ERG: variants seen among roughly 807,000 people sequenced by gnomAD.
ERG encodes the protein transcriptional regulator ERG.
In ERG, 9 loss-of-function variants were observed where a neutral mutation model predicts 55.3. That is an observed-to-expected ratio of 0.16 (90% CI 0.10 to 0.28). ERG has a LOEUF of 0.28. Ranked by LOEUF, ERG falls within the 10% of genes least tolerant of loss-of-function variation. ERG has a pLI of 1.00. For synonymous variants in ERG, 223 were observed against 237.3 expected (o/e 0.94, Z 0.55); for missense variants, 434 against 631.6 (o/e 0.69, Z 3.35).
rs1321377922 is a variant in ERG, at chr21:38,380,549, C to T, written c.*2854G>A. ...AGTCTGAGTATACATCAGGGCAAGC[C>T]AAGAGACAGGGACAAACAGAGAGAA... On this transcript the variant is annotated 3_prime_UTR_variant, in exon 10 of 10. Transcript: ENST00000288319. 3 of 1,065,838 alleles carry T rather than the reference C, an allele frequency of 2.8e-6. No homozygotes were observed. The Admixed American group carries it at 1.6e-4, about 57-fold the overall frequency. 66.0% of individuals were successfully genotyped at this position (1,065,838 alleles called of 1,614,324 possible). A position where few individuals can be genotyped will look rare whatever the true frequency, so the allele number is the denominator to read the frequency against.
chr21:38,399,724 G>A (rs1988397503), intron 6 of ERG, among the ~76,000 whole-genome samples: 1 of 152,184 alleles, frequency 6.6e-6, no homozygotes, highest in South Asian at 2.1e-4. Flanking sequence ...GCCTTTCATG[G>A]GGGATTGAGT....
intron 1 of ERG, among the ~76,000 whole-genome samples, chr21:38,613,590 C>G (rs1180179065): frequency 6.6e-6 from 1 of 152,214 alleles, no homozygotes; most frequent in Non-Finnish European, 1.5e-5. Flanking sequence ...GACTGGTGCT[C>G]GCCGCTCACT....
chr21:38,627,075 TA>T (rs1248409354), intron 1 of ERG, among the ~76,000 whole-genome samples: 2 of 151,826 alleles, frequency 1.3e-5, no homozygotes, highest in Admixed American at 6.6e-5. Context: ...AGCATTTACA[TA>T]AAAAAATTTT....
intron 2 of ERG, among the ~76,000 whole-genome samples, chr21:38,506,875 G>A (rs141933955): frequency 1.2e-4 from 18 of 152,304 alleles, no homozygotes; most frequent in African/African-American, 3.6e-4. Context: ...CGCTCTGCCA[G>A]TAGAACAGGG....
At chr21:38,552,846 G>GAAAAAAAAAAA (rs56278724) in intron 2 of ERG, among the ~76,000 whole-genome samples, 1 of 127,860 alleles carries the variant, frequency 7.8e-6, no homozygotes. Flanking sequence ...TCAAGCAAGA[G>GAAAAAAAAAAA]AAAAAAAAAA....
intron 1 of ERG, among the ~76,000 whole-genome samples, chr21:38,623,378 A>G (rs1342524509): frequency 6.6e-6 from 1 of 152,110 alleles, no homozygotes; most frequent in Non-Finnish European, 1.5e-5. Context: ...TAAAATTTGC[A>G]TGAAATAAAC....
chr21:38,610,663 C>G (rs1405240128), intron 1 of ERG, among the ~76,000 whole-genome samples: 1 of 152,214 alleles, frequency 6.6e-6, no homozygotes, highest in Non-Finnish European at 1.5e-5. Context: ...AATGTTTGAT[C>G]TGAGCAATCA....
chr21:38,380,031 G>T (rs373105334), downstream of ERG: 19 of 1,011,970 alleles, frequency 1.9e-5, no homozygotes, highest in African/African-American at 3.1e-4. Context: ...ACAGAATTTG[G>T]TGTATTTTTG....
chr21:38,551,801 A>AT (rs2059826086), intron 2 of ERG, among the ~76,000 whole-genome samples: 1 of 152,150 alleles, frequency 6.6e-6, no homozygotes, highest in Non-Finnish European at 1.5e-5. Flanking sequence ...GTAGGTGAAA[A>AT]GAATGCATAT....
chr21:38,427,347 T>C (rs374054118), intron 2 of ERG, among the ~76,000 whole-genome samples: 2 of 152,232 alleles, frequency 1.3e-5, no homozygotes, highest in African/African-American at 4.8e-5. Flanking sequence ...GGTGCTGGGA[T>C]TACAGGCGTG....
chr21:38,463,675 C>T (rs2059063509), intron 1 of ERG, among the ~76,000 whole-genome samples: 1 of 152,150 alleles, frequency 6.6e-6, no homozygotes, highest in Admixed American at 6.5e-5. Flanking sequence ...GGGAGCATTT[C>T]CAGATGGAGA....
intron 2 of ERG, among the ~76,000 whole-genome samples, chr21:38,507,426 G>A (rs2836452): frequency 0.25 from 38,486 of 152,154 alleles, 5,621 homozygotes; most frequent in African/African-American, 0.41. Flanking sequence ...CATTGGAGAT[G>A]GAAGGCAGCC....
chr21:38,462,387 T>C (rs187667583), intron 1 of ERG, among the ~76,000 whole-genome samples: 69 of 152,156 alleles, frequency 4.5e-4, no homozygotes, highest in African/African-American at 1.6e-3. Context: ...TTTTTAAGAA[T>C]CCTCAACCAA....
chr21:38,566,910 G>A (rs2059926448), intron 2 of ERG, among the ~76,000 whole-genome samples: 1 of 152,138 alleles, frequency 6.6e-6, no homozygotes, highest in African/African-American at 2.4e-5. Flanking sequence ...ACTCCTCAGG[G>A]AAACTGCCCC....
At chr21:38,402,789 G>C in intron 4 of ERG, 152 bp from the exon 5 acceptor site, 1 of 610,174 alleles carries the variant, frequency 1.6e-6, no homozygotes, top group Non-Finnish European at 2.8e-6. Flanking sequence ...ATCATGGGAA[G>C]CTTATAACTA....
chr21:38,452,817 T>C (rs1362603643), intron 1 of ERG, among the ~76,000 whole-genome samples: 1 of 152,250 alleles, frequency 6.6e-6, no homozygotes, highest in Non-Finnish European at 1.5e-5. Flanking sequence ...GCCTGGCTGG[T>C]GCCAGCAATT....
At chr21:38,529,313 C>T (rs1364853701) in intron 2 of ERG, among the ~76,000 whole-genome samples, 1 of 152,070 alleles carries the variant, frequency 6.6e-6, no homozygotes, top group African/African-American at 2.4e-5. Flanking sequence ...CTTCAGTCTC[C>T]AGGAGAATGA....
chr21:38,626,758 T>C (rs1319695433), intron 1 of ERG, among the ~76,000 whole-genome samples: 1 of 152,240 alleles, frequency 6.6e-6, no homozygotes, highest in South Asian at 2.1e-4. Flanking sequence ...ATTAGTATTA[T>C]GTATTTATAA....
chr21:38,640,290 A>G (rs1274989497), intron 1 of ERG, among the ~76,000 whole-genome samples: 2 of 152,232 alleles, frequency 1.3e-5, no homozygotes, highest in Non-Finnish European at 2.9e-5. Flanking sequence ...TTACAAATGC[A>G]TATCAACTTA....
Sources: allele counts gnomAD v4.1 joint callset (sites outside exome capture counted in the v4.1 genomes callset), GRCh38; gene constraint gnomAD v4.1.1; transcripts MANE v1.5; gene names NCBI Gene and HGNC (gene_info 2026-07-23, HGNC 2026-07-21).